Variants in NBAS observed in about 807,000 individuals in gnomAD.
The protein encoded by NBAS is NAG/BC035112 fusion.
In NBAS, 219 loss-of-function variants were observed where a neutral mutation model predicts 302.5. The observed-to-expected ratio is 0.72, with a 90% CI of 0.65 to 0.81. The LOEUF (loss-of-function observed/expected upper bound fraction) is 0.81. Among genes scored for constraint, NBAS ranks in the 30% least tolerant of loss-of-function variants. The pLI, the probability that NBAS is intolerant of heterozygous loss-of-function variation, is 0.00. For missense variants in NBAS, 2,932 were observed against 2,841.6 expected, an observed-to-expected ratio of 1.03 and a Z score of -0.72; for synonymous variants, 1,118 against 1,021.6, an observed-to-expected ratio of 1.09 and a Z score of -1.80.
At chr2:15,269,275 G>C (rs182075500) in intron 44 of NBAS, among the ~76,000 whole-genome samples, 1 of 152,150 alleles carries the variant, frequency 6.6e-6, no homozygotes, top group Admixed American at 6.5e-5. Context: ...ATGGATGGAC[G>C]GATACATTGT....
chr2:15,553,492 A>G lies in NBAS; in HGVS notation c.288-19T>C, dbSNP rs1664479441. ...TCCATTGCTTTTATGGAGAAGAAAGAGGGGGAAGAAAATCTATTATGAATA... is the reference window on the plus strand; with the variant it reads ...TCCATTGCTTTTATGGAGAAGAAAGGGGGGGAAGAAAATCTATTATGAATA... On this transcript the variant is annotated intron_variant, in intron 4 of 51. Coordinates refer to ENST00000281513, the MANE Select transcript of NBAS (RefSeq NM_015909.4). The G allele has an allele frequency of 6.2e-7, 1 of 1,601,320 alleles. No homozygotes were observed.
In NBAS at chr2:15,217,100, T is replaced by C. The variant is rs537254132; in HGVS notation, c.6432+1673A>G. 1.1e-4 allele frequency among the ~76,000 whole-genome samples: 17 copies of C among 152,362 alleles called. No individual in the cohort carries two copies. The South Asian group carries it at 1.2e-3, about 11-fold the overall frequency. ...TAACTTCTATGCCCTGTACCGGCAA[T>C]AGAGCTTGTGGCCTATGCCTTCGTG... On this transcript the variant is annotated intron_variant, in intron 48 of 51. Transcript: ENST00000281513.
chr2:15,102,210 G>A, the NBAS span, among the ~76,000 whole-genome samples: 12 of 152,266 alleles, frequency 7.9e-5, no homozygotes, highest in East Asian at 5.8e-4. Context: ...GAGAGAAGAC[G>A]CAAGGTCAAA....
the NBAS span, among the ~76,000 whole-genome samples, chr2:15,042,920 G>A: frequency 2.6e-5 from 4 of 152,302 alleles, 1 homozygote; most frequent in South Asian, 8.3e-4. Context: ...CATGGTTCCT[G>A]ATGCAACGAC....
At chr2:15,234,863 A>G (rs1667525661) in intron 45 of NBAS, 116 bp from the exon 46 acceptor site, 1 of 1,029,622 alleles carries the variant, frequency 9.7e-7, no homozygotes, top group Admixed American at 1.9e-5. Context: ...CAGCAACACC[A>G]TACCAAAGGG....
intron 51 of NBAS, among the ~76,000 whole-genome samples, chr2:15,175,970 G>A (rs1329996618): frequency 6.6e-6 from 1 of 152,190 alleles, no homozygotes; most frequent in East Asian, 1.9e-4. Context: ...TCAACGGAGT[G>A]CCTCTGCCAG....
rs148136949 is a variant in NBAS, at chr2:15,351,601, C to T, written c.4179+391G>A. Among the ~76,000 whole-genome samples, 1,195 of 152,016 alleles carry T rather than the reference C, an allele frequency of 7.9e-3. 13 individuals are homozygous for T. The highest frequency in any genetic ancestry group is 0.027 in the African/African-American group (1,130 of 41,428). ...GCTGAGGCAGGGGAATTGCTTGAAC[C>T]TGGGAGGTGGAGGTTGCAGTGAGTG... On this transcript the variant is annotated intron_variant, in intron 35 of 51. Transcript: ENST00000281513.
chr2:15,296,268 G>A (rs1670543331), intron 40 of NBAS, among the ~76,000 whole-genome samples: 1 of 152,138 alleles, frequency 6.6e-6, no homozygotes, highest in Non-Finnish European at 1.5e-5. Context: ...GCTGGGCATG[G>A]TGGCTCACAC....
chr2:15,283,703 C>T (rs577132101), intron 42 of NBAS, among the ~76,000 whole-genome samples: 1 of 152,080 alleles, frequency 6.6e-6, no homozygotes, highest in East Asian at 1.9e-4. Context: ...CTCAGTTATA[C>T]ATTTTTCACA....
intron 11 of NBAS, among the ~76,000 whole-genome samples, chr2:15,499,764 TA>T (rs1421808778): frequency 6.6e-6 from 1 of 152,036 alleles, no homozygotes; most frequent in Non-Finnish European, 1.5e-5. Flanking sequence ...GAACTTACAA[TA>T]AAAGTTAAAT....
At chr2:15,080,436 GA>G in the NBAS span, among the ~76,000 whole-genome samples, 1 of 152,174 alleles carries the variant, frequency 6.6e-6, no homozygotes, top group Non-Finnish European at 1.5e-5. Flanking sequence ...ACCAACACTT[GA>G]AGCTCTCCCC....
the NBAS span, among the ~76,000 whole-genome samples, chr2:14,848,839 A>G: frequency 1.3e-5 from 2 of 151,506 alleles, no homozygotes; most frequent in Non-Finnish European, 2.9e-5. Flanking sequence ...ACGGCAGGGT[A>G]TTCCAACAGA....
the NBAS span, among the ~76,000 whole-genome samples, chr2:14,862,231 C>T: frequency 1.3e-5 from 2 of 151,856 alleles, no homozygotes; most frequent in African/African-American, 4.8e-5. Context: ...CTCCACCTCC[C>T]GGGTTCAAGT....
chr2:14,915,935 T>C, the NBAS span, among the ~76,000 whole-genome samples: 1 of 152,148 alleles, frequency 6.6e-6, no homozygotes, highest in African/African-American at 2.4e-5. Flanking sequence ...AAGATGTGAC[T>C]TGGTTCTCCT....
At chr2:15,211,458 T>C (rs543036816) in intron 48 of NBAS, among the ~76,000 whole-genome samples, 2 of 152,230 alleles carry the variant, frequency 1.3e-5, no homozygotes, top group Non-Finnish European at 2.9e-5. Context: ...CAGAATACTT[T>C]GCATAATTTA....
chr2:15,031,094 T>A, the NBAS span, among the ~76,000 whole-genome samples: 2 of 152,182 alleles, frequency 1.3e-5, no homozygotes, highest in African/African-American at 4.8e-5. Context: ...TCTCTAAGTG[T>A]TTTTACAGAA....
chr2:15,136,108 A>T, the NBAS span, among the ~76,000 whole-genome samples: 41 of 152,312 alleles, frequency 2.7e-4, no homozygotes, highest in South Asian at 8.5e-3. Flanking sequence ...CTGAAGGAAG[A>T]GCCAGACAGT....
At chr2:15,065,890 T>C in the NBAS span, among the ~76,000 whole-genome samples, 1 of 152,122 alleles carries the variant, frequency 6.6e-6, no homozygotes, top group East Asian at 1.9e-4. Context: ...TAGAAAATCC[T>C]AAAATTAATA....
At chr2:14,995,655 T>G in the NBAS span, among the ~76,000 whole-genome samples, 1 of 152,222 alleles carries the variant, frequency 6.6e-6, no homozygotes, top group Non-Finnish European at 1.5e-5. Context: ...GACTTGACAC[T>G]AGCCTGGACA....
Sources: allele counts gnomAD v4.1 joint callset (sites outside exome capture counted in the v4.1 genomes callset), GRCh38; gene constraint gnomAD v4.1.1; transcripts MANE v1.5; gene names NCBI Gene and HGNC (gene_info 2026-07-23, HGNC 2026-07-21).